Variants in TNS3 observed in about 807,000 individuals in gnomAD.
TNS3 encodes tensin-3.
A neutral mutation model predicts 140.9 loss-of-function variants in TNS3; 45 were observed. The observed-to-expected ratio is 0.32, with a 90% CI of 0.25 to 0.41. TNS3 has a LOEUF of 0.41. TNS3 is among the 10% of genes least tolerant of loss of function. The pLI, the probability that TNS3 is intolerant of heterozygous loss-of-function variation, is 1.00. For missense variants in TNS3, 1,716 were observed against 1,906.7 expected, an observed-to-expected ratio of 0.90 and a Z score of 1.86; for synonymous variants, 815 against 788.4, an observed-to-expected ratio of 1.03 and a Z score of -0.56.
chr7:47,481,669 G>T, intron 3 of TNS3: 1 of 985,334 alleles, frequency 1.0e-6, no homozygotes, highest in Non-Finnish European at 1.2e-6. Flanking sequence ...ATTCCATTCC[G>T]CACAAGAGAC....
rs116421367 is a variant in TNS3, at chr7:47,464,590, G to A, written c.-76+16513C>T. Among the ~76,000 whole-genome samples the A allele has an allele frequency of 5.8e-3, 881 of 152,214 alleles. 12 individuals carry two copies. The highest frequency in any genetic ancestry group is 0.019 in the African/African-American group (807 of 41,544). The stretch of plus-strand genomic sequence containing the variant: ...GGGCATATTAGGAGAGAGACTTAGG[G>A]ACCCTATCCCAGAATTTCTGATTCA... On this transcript the variant is annotated intron_variant, in intron 4 of 30. Coordinates refer to ENST00000311160, the MANE Select transcript of TNS3 (RefSeq NM_022748.12).
At chr7:47,287,129 A>C (rs965393184) in intron 27 of TNS3, among the ~76,000 whole-genome samples, 1 of 152,044 alleles carries the variant, frequency 6.6e-6, no homozygotes, top group Non-Finnish European at 1.5e-5. Flanking sequence ...TATACCTACC[A>C]TATGCTAAAA....
At chr7:47,506,398 G>A (rs58814161) in intron 3 of TNS3, among the ~76,000 whole-genome samples, 2,948 of 152,134 alleles carry the variant, frequency 0.019, 112 homozygotes, top group African/African-American at 0.068. Context: ...AGAGGCCATC[G>A]GGCAATTGAA....
chr7:47,300,704 T>C (rs1186787349), intron 23 of TNS3, among the ~76,000 whole-genome samples: 1 of 152,174 alleles, frequency 6.6e-6, no homozygotes, highest in African/African-American at 2.4e-5. Context: ...GTGCAGAATC[T>C]CTTAGGTGCT....
chr7:47,446,033 A>G (rs952525822), intron 4 of TNS3, among the ~76,000 whole-genome samples: 1 of 137,518 alleles, frequency 7.3e-6, no homozygotes, highest in Non-Finnish European at 1.7e-5. Flanking sequence ...ACCTCATATA[A>G]GGTTTAAAAA....
chr7:47,319,384 A>T (rs1405105372), intron 20 of TNS3, among the ~76,000 whole-genome samples: 3 of 152,080 alleles, frequency 2.0e-5, no homozygotes, highest in Non-Finnish European at 4.4e-5. Flanking sequence ...AAGGCGAGAG[A>T]GAGAGAGTGA....
intron 2 of TNS3, among the ~76,000 whole-genome samples, chr7:47,510,601 C>T (rs1296295536): frequency 2.0e-5 from 3 of 152,120 alleles, no homozygotes; most frequent in Non-Finnish European, 4.4e-5. Flanking sequence ...AGGCCAGGTG[C>T]GGTGGCTCAC....
In TNS3 at chr7:47,478,325, C is replaced by G. The variant is rs552190835; in HGVS notation, c.-76+2778G>C. Among the ~76,000 whole-genome samples the G allele has an allele frequency of 2.0e-5, 3 of 152,258 alleles. 1 individual carries two copies. In the South Asian group the frequency reaches 6.2e-4, roughly 32 times the overall value. ...TGAGGCTGTAGGTCCAGGGACCACA[C>G]CTGGGGGCCAGCTGGTCAAGGCAAG... is the stretch of plus-strand genomic sequence containing the variant. On this transcript the variant is annotated intron_variant, in intron 4 of 30. Coordinates refer to ENST00000311160, the MANE Select transcript of TNS3 (RefSeq NM_022748.12).
chr7:47,458,902 A>T (rs979840424), intron 4 of TNS3, among the ~76,000 whole-genome samples: 1 of 152,236 alleles, frequency 6.6e-6, no homozygotes, highest in Non-Finnish European at 1.5e-5. Flanking sequence ...ACATATACAA[A>T]AAGAAGCAGA....
At chr7:47,417,151 G>C (rs755745271) in intron 10 of TNS3, among the ~76,000 whole-genome samples, 9 of 152,200 alleles carry the variant, frequency 5.9e-5, no homozygotes, top group Non-Finnish European at 1.2e-4. Flanking sequence ...GGGCCTGAGG[G>C]GCTCCTGTTC....
intron 3 of TNS3, chr7:47,481,505 A>G: frequency 3.7e-6 from 1 of 270,222 alleles, no homozygotes; most frequent in Non-Finnish European, 5.7e-6. Flanking sequence ...GGGCCCAGAG[A>G]AGGAGGTGGA....
At chr7:47,527,860 T>C (rs2151936742) in intron 2 of TNS3, among the ~76,000 whole-genome samples, 1 of 150,888 alleles carries the variant, frequency 6.6e-6, no homozygotes, top group Admixed American at 6.6e-5. Flanking sequence ...TGAGCCCTGA[T>C]CATCCCACTG....
At chr7:47,561,449 T>C (rs1800317505) in intron 1 of TNS3, among the ~76,000 whole-genome samples, 1 of 152,146 alleles carries the variant, frequency 6.6e-6, no homozygotes, top group African/African-American at 2.4e-5. Flanking sequence ...TTGTTTCTGT[T>C]CATTATCTGT....
intron 1 of TNS3, among the ~76,000 whole-genome samples, chr7:47,566,264 G>C (rs117826400): frequency 0.01 from 1,540 of 152,320 alleles, 15 homozygotes; most frequent in Non-Finnish European, 0.017. Flanking sequence ...CTGCCCGGCT[G>C]GTAGGTGAGC....
chr7:47,467,487 T>C (rs188865113), intron 4 of TNS3, among the ~76,000 whole-genome samples: 17 of 152,326 alleles, frequency 1.1e-4, no homozygotes, highest in Admixed American at 8.5e-4. Context: ...CTGTTATAAA[T>C]GCACCAGGAG....
intron 17 of TNS3, among the ~76,000 whole-genome samples, chr7:47,367,525 C>A (rs1387604099): frequency 6.6e-6 from 1 of 152,238 alleles, no homozygotes; most frequent in Non-Finnish European, 1.5e-5. Flanking sequence ...CAAGGCTGCA[C>A]AGAAAGGCAC....
chr7:47,562,436 G>C (rs978027998), intron 1 of TNS3, among the ~76,000 whole-genome samples: 2 of 150,038 alleles, frequency 1.3e-5, no homozygotes, highest in African/African-American at 4.9e-5. Flanking sequence ...GCCCAGTCTG[G>C]AGTGCAATGG....
At chr7:47,548,531 G>A (rs146694883) in intron 1 of TNS3, among the ~76,000 whole-genome samples, 310 of 152,238 alleles carry the variant, frequency 2.0e-3, no homozygotes, top group Non-Finnish European at 3.5e-3. Flanking sequence ...AATCCCAGCC[G>A]CATTTGAACA....
Position 47,360,021 on chromosome 7 carries a change from G to A in TNS3, c.2281+8344C>T, listed in dbSNP as rs968106468. Among the ~76,000 whole-genome samples the A allele has an allele frequency of 5.3e-5, 8 of 152,214 alleles. No homozygotes were observed. The East Asian group carries it at 1.5e-3, about 29-fold the overall frequency. ...GTAGGGTGGGAAACCAAGGCCCCCTGCTTTGCAGAGTGAGAGTATCTGGGG... is the reference window on the plus strand; with the variant it reads ...GTAGGGTGGGAAACCAAGGCCCCCTACTTTGCAGAGTGAGAGTATCTGGGG... On this transcript the variant is annotated intron_variant, in intron 17 of 30. Transcript: ENST00000311160.
Sources: gnomAD v4.1 joint callset for allele counts (sites outside exome capture counted in the v4.1 genomes callset) on GRCh38, gnomAD v4.1.1 for gene constraint, MANE v1.5 for transcripts, NCBI Gene and HGNC (gene_info 2026-07-23, HGNC 2026-07-21) for gene names.